The following SLC12A5 variants were observed in gnomAD, a reference collection of about 807,000 sequenced individuals.
SLC12A5 encodes solute carrier family 12 member 5.
A neutral mutation model predicts 124.0 loss-of-function variants in SLC12A5; 18 were observed. The ratio of observed to expected loss-of-function variants is 0.15; its 90% CI spans 0.10 to 0.22. SLC12A5 has a LOEUF of 0.22. Among genes scored for constraint, SLC12A5 ranks in the 10% least tolerant of loss-of-function variants. The pLI, the probability that SLC12A5 is intolerant of heterozygous loss-of-function variation, is 1.00. For missense variants in SLC12A5, 867 were observed against 1,478.7 expected (o/e 0.59, Z 6.78); for synonymous variants, 589 against 568.0 (o/e 1.04, Z -0.53).
chr20:46,051,782 C>T lies in SLC12A5; in HGVS notation c.2289C>T (p.Leu763=), dbSNP rs138144890. ...CCCATCTGATCCAGTCCGGGGGCCT[C>T]GGGGGGCTGCAGCACAACACTGTGC... ...GVSHLIQSGG[L]GGLQHNTVLV... is the part of the protein sequence containing the mutation. The change falls in exon 18 of 26, where the codon CTC becomes CTT. Residue 763 remains leucine, a synonymous_variant. Transcript: ENST00000243964. 3.4e-5 allele frequency: 54 copies of T among 1,606,550 alleles called. No individual in the cohort carries two copies. Among genetic ancestry groups the T allele is most frequent in the Middle Eastern group, 1.6e-4 (1 of 6,062 alleles).
chr20:46,047,433 G>T, intron 14 of SLC12A5, 21 bp from the exon 15 acceptor site: 6 of 1,611,698 alleles, frequency 3.7e-6, no homozygotes, highest in Non-Finnish European at 5.1e-6. Flanking sequence ...CTCAGAGGCT[G>T]GGTCTCCCCA....
intron 1 of SLC12A5, among the ~76,000 whole-genome samples, chr20:46,031,872 G>A (rs1243416657): frequency 1.3e-5 from 2 of 152,224 alleles, no homozygotes; most frequent in Non-Finnish European, 2.9e-5. Flanking sequence ...CTTACTCCTT[G>A]GCTCCGGGGA....
intron 6 of SLC12A5, among the ~76,000 whole-genome samples, chr20:46,039,076 A>C (rs2084522139): frequency 6.6e-6 from 1 of 152,268 alleles, no homozygotes; most frequent in African/African-American, 2.4e-5. Flanking sequence ...AATAACCATT[A>C]ACATTTTGGT....
At chr20:46,039,787 A>C (rs531283254) in intron 6 of SLC12A5, among the ~76,000 whole-genome samples, 1 of 151,648 alleles carries the variant, frequency 6.6e-6, no homozygotes, top group South Asian at 2.1e-4. Context: ...AAAAAAAAAC[A>C]AAAAAACCAC....
chr20:46,045,229 G>A lies in SLC12A5; in HGVS notation c.1569+89G>A. 2 of 1,425,184 alleles carry A rather than the reference G, an allele frequency of 1.4e-6. No individual in the cohort carries two copies. The highest frequency in any genetic ancestry group is 1.9e-6 in the Non-Finnish European group (2 of 1,072,870). The allele number at this position is 1,425,184 out of a possible 1,614,324, so 88.3% of individuals were successfully genotyped here. ...ACACAGTGACCCAGGGCCATAACCA[G>A]CCTTAGACTACCTCCTGGGCCACTT... On this transcript the variant is annotated intron_variant, in intron 12 of 25. Transcript: ENST00000243964. The surrounding 1 kb of genome is among the most constrained non-coding windows in gnomAD (Gnocchi z 4.9).
At chr20:46,038,737 C>T (rs1388698392) in intron 6 of SLC12A5, among the ~76,000 whole-genome samples, 1 of 152,202 alleles carries the variant, frequency 6.6e-6, no homozygotes, top group Non-Finnish European at 1.5e-5. Context: ...CTGAATTCTT[C>T]CCATTCTCTC....
At chr20:46,021,849 C>G (rs567522955) in exon 1 of SLC12A5, 14 of 1,532,184 alleles carry the variant, frequency 9.1e-6, no homozygotes, top group Middle Eastern at 2.1e-4. Flanking sequence ...GGCATTCGGT[C>G]GCAGACCCCC....
intron 21 of SLC12A5, 123 bp downstream of exon 21, chr20:46,055,146 C>T (rs1455036791): frequency 2.9e-6 from 2 of 689,086 alleles, no homozygotes; most frequent in Non-Finnish European, 5.2e-6. Context: ...CCCTGATTCC[C>T]CCAACCACAC....
rs773440791 is a variant in SLC12A5, at chr20:46,053,951, C to T, written c.2679+242C>T. ...TTTATATGTACATAAATTCCAACAA[C>T]GACCAATGAGATAGATACAATTATC... On this transcript the variant is annotated intron_variant, in intron 20 of 25. Coordinates refer to ENST00000243964, the MANE Select transcript of SLC12A5 (RefSeq NM_020708.5). This position sits in a 1 kb window ranked among gnomAD's most constrained non-coding sequence, Gnocchi z 4.7. Among the ~76,000 whole-genome samples, 3 of 152,200 alleles carry T rather than the reference C, an allele frequency of 2.0e-5. No homozygotes were observed. The highest frequency in any genetic ancestry group is 4.8e-5 in the African/African-American group (2 of 41,448).
chr20:46,056,401 C>T lies in SLC12A5; in HGVS notation c.2947C>T (p.Pro983Ser). ...LIHDQSAPSCPSSSPSPGEEP... is the reference protein window; with the variant it reads ...LIHDQSAPSCSSSSPSPGEEP... ...CCACGATCAGAGTGCTCCCAGCTGC[C>T]CCAGCAGCTCCCCGTCCCCAGGGGA... The change falls in exon 23 of 26, where the codon CCC becomes TCC. Residue 983 changes from proline (P) to serine (S), a missense_variant. Pro to Ser is a moderately conservative substitution (Grantham distance 74). Transcript: ENST00000243964. This position sits in a 1 kb window ranked among gnomAD's most constrained non-coding sequence, Gnocchi z 4.3. 1 of 1,613,138 alleles carries T rather than the reference C, an allele frequency of 6.2e-7. No homozygotes were observed. The highest frequency in any genetic ancestry group is 8.5e-7 in the Non-Finnish European group (1 of 1,179,436).
At chr20:46,038,016 G>T (rs988893187) in intron 6 of SLC12A5, among the ~76,000 whole-genome samples, 3 of 152,286 alleles carry the variant, frequency 2.0e-5, no homozygotes, top group East Asian at 3.9e-4. Flanking sequence ...TGGTGACTTA[G>T]GTCTCCATCC....
At position 46,057,972 on chromosome 20, in the gene SLC12A5, A is replaced by C; in HGVS notation, c.*367A>C. ...CATGCGGCCCATTCCTCCCCTTCCCACTCCCGCCGCGGTCCTCGCTCTGCG... is the reference window on the plus strand; with the variant it reads ...CATGCGGCCCATTCCTCCCCTTCCCCCTCCCGCCGCGGTCCTCGCTCTGCG... On this transcript the variant is annotated 3_prime_UTR_variant, in exon 26 of 26. Coordinates refer to ENST00000243964, the MANE Select transcript of SLC12A5 (RefSeq NM_020708.5). This position sits in a 1 kb window ranked among gnomAD's most constrained non-coding sequence, Gnocchi z 7.1. 1 of 187,816 alleles carries C rather than the reference A, an allele frequency of 5.3e-6. No homozygotes were observed. The allele number at this position is 187,816 out of a possible 1,614,324, so 11.6% of individuals were successfully genotyped here. A position where few individuals can be genotyped will look rare whatever the true frequency, so the allele number is the denominator to read the frequency against.
intron 1 of SLC12A5, among the ~76,000 whole-genome samples, chr20:46,032,674 A>G (rs1034377214): frequency 1.3e-5 from 2 of 152,216 alleles, no homozygotes; most frequent in Admixed American, 1.3e-4. Flanking sequence ...CGACACAGCC[A>G]GTGAAGCTGG....
rs1568870938 is a variant in SLC12A5, at chr20:46,058,931, C to T, written c.*1326C>T. 1.3e-5 allele frequency: 5 copies of T among 394,006 alleles called. No individual in the cohort carries two copies. The highest frequency in any genetic ancestry group is 2.2e-5 in the Non-Finnish European group (5 of 223,772). 24.4% of individuals were successfully genotyped at this position (394,006 alleles called of 1,614,324 possible). On this transcript the variant is annotated 3_prime_UTR_variant, in exon 26 of 26. Transcript: ENST00000243964. The surrounding 1 kb of genome is among the most constrained non-coding windows in gnomAD (Gnocchi z 5.8). ...TAGCTCCGTCTCCCGGGGACCTGGG[C>T]CTGAGGGAGGGCTGGAGTCGCACGC... is the stretch of plus-strand genomic sequence containing the variant.
Position 46,045,761 on chromosome 20 carries a change from C to T in SLC12A5, c.1570-117C>T, listed in dbSNP as rs2084589514. The T allele has an allele frequency of 1.3e-6, 1 of 757,286 alleles. No individual in the cohort carries two copies. Among genetic ancestry groups the T allele is most frequent in the Non-Finnish European group, 2.2e-6 (1 of 455,322 alleles). The allele number at this position is 757,286 out of a possible 1,614,324, so 46.9% of individuals were successfully genotyped here. ...CTGGAGGAAGAGAAATGCATCCTCT[C>T]CCTTCCTCCTCTTTGGTGATAGGAT... is the stretch of plus-strand genomic sequence containing the variant. On this transcript the variant is annotated intron_variant, in intron 12 of 25. Coordinates refer to ENST00000243964, the MANE Select transcript of SLC12A5 (RefSeq NM_020708.5). This position sits in a 1 kb window ranked among gnomAD's most constrained non-coding sequence, Gnocchi z 4.9.
chr20:46,045,503 C>T lies in SLC12A5; in HGVS notation c.1569+363C>T, dbSNP rs1227479556. ...TTTGGCACTGTGGTTGGTCGGAGAC[C>T]TGGGGAGGCAGTCAAAGGGCAAGAA... is the stretch of plus-strand genomic sequence containing the variant. On this transcript the variant is annotated intron_variant, in intron 12 of 25. Transcript: ENST00000243964. The surrounding 1 kb of genome is among the most constrained non-coding windows in gnomAD (Gnocchi z 4.9). Among the ~76,000 whole-genome samples, 1 of 152,030 alleles carries T rather than the reference C, an allele frequency of 6.6e-6. No individual in the cohort carries two copies. Among genetic ancestry groups the T allele is most frequent in the Admixed American group, 6.5e-5 (1 of 15,272 alleles).
chr20:46,035,019 G>T lies in SLC12A5; in HGVS notation c.124G>T (p.Gly42Cys), dbSNP rs2145481710. 1.2e-6 allele frequency: 2 copies of T among 1,613,972 alleles called. No individual in the cohort carries two copies. The highest frequency in any genetic ancestry group is 1.7e-6 in the Non-Finnish European group (2 of 1,179,928). The change falls in exon 2 of 26, where the codon GGC becomes TGC. Residue 42 changes from glycine (G) to cysteine (C), a missense_variant. By Grantham distance (159) the Gly-to-Cys change is radical. Around this residue, in one of 9 missense-constraint regions of SLC12A5, gnomAD observed 126 missense variants for 291.6 expected, o/e 0.43. Coordinates refer to ENST00000243964, the MANE Select transcript of SLC12A5 (RefSeq NM_020708.5). ...TDTEKGKEYD[G>C]KNMALFEEEM... is the part of the protein sequence containing the mutation. The stretch of plus-strand genomic sequence containing the variant: ...CACAGAGAAGGGAAAGGAGTATGAT[G>T]GCAAGAACATGGCCTTGTTTGAGGT...
rs2097274476 is a variant in SLC12A5 at position 46,058,303 on chromosome 20, C to G, written c.*698C>G. On this transcript the variant is annotated 3_prime_UTR_variant, in exon 26 of 26. Coordinates refer to ENST00000243964, the MANE Select transcript of SLC12A5 (RefSeq NM_020708.5). This position sits in a 1 kb window ranked among gnomAD's most constrained non-coding sequence, Gnocchi z 5.8. ...AGAGCGAAAGTGCTTTAGGCCCAGG[C>G]GGGGGTCGTGGCCTCGTTCCCTCGA... The G allele has an allele frequency of 2.5e-6, 1 of 397,258 alleles. No individual in the cohort carries two copies. Among genetic ancestry groups the G allele is most frequent in the African/African-American group, 2.1e-5 (1 of 48,620 alleles). 24.6% of individuals were successfully genotyped at this position (397,258 alleles called of 1,614,324 possible). A position where few individuals can be genotyped will look rare whatever the true frequency, so the allele number is the denominator to read the frequency against.
chr20:46,041,929 G>GGT (rs200126228), intron 8 of SLC12A5, among the ~76,000 whole-genome samples: 1 of 152,172 alleles, frequency 6.6e-6, no homozygotes, highest in Non-Finnish European at 1.5e-5. Flanking sequence ...GAATGCCCGG[G>GGT]GGGGGAGAGT....
Sources: gnomAD v4.1 joint callset for allele counts (sites outside exome capture counted in the v4.1 genomes callset) on GRCh38, gnomAD v4.1.1 for gene constraint, gnomAD v4.1.1 regional missense constraint, Gnocchi (gnomAD v3.1) non-coding constraint, MANE v1.5 for transcripts, NCBI Gene and HGNC (gene_info 2026-07-23, HGNC 2026-07-21) for gene names.